CHRM3: variants seen among roughly 807,000 people sequenced by gnomAD.
The protein encoded by CHRM3 is cholinergic receptor muscarinic 3, also known as muscarinic acetylcholine receptor M3.
CHRM3 carries 11 observed loss-of-function variants against 41.8 expected under a neutral mutation model. That is an observed-to-expected ratio of 0.26 (90% CI 0.17 to 0.44). The LOEUF (loss-of-function observed/expected upper bound fraction) is 0.44. CHRM3 is among the 20% of genes least tolerant of loss of function. The pLI is 1.00. For synonymous variants in CHRM3, 297 were observed against 301.4 expected (o/e 0.99, Z 0.15); for missense variants, 571 against 745.4 (o/e 0.77, Z 2.72).
intron 3 of CHRM3, among the ~76,000 whole-genome samples, chr1:239,567,524 A>G (rs1661467971): frequency 6.6e-6 from 1 of 152,212 alleles, no homozygotes; most frequent in African/African-American, 2.4e-5. Context: ...TTTTGACTGT[A>G]ACCTACTGGT....
chr1:239,450,132 G>C (rs904723553), intron 1 of CHRM3, among the ~76,000 whole-genome samples: 2 of 152,034 alleles, frequency 1.3e-5, no homozygotes, highest in African/African-American at 4.8e-5. Flanking sequence ...ACCCTTCTAT[G>C]CTCATTTCAA....
intron 2 of CHRM3, among the ~76,000 whole-genome samples, chr1:239,497,791 A>C (rs1288674189): frequency 2.0e-5 from 3 of 152,196 alleles, no homozygotes; most frequent in Non-Finnish European, 4.4e-5. Flanking sequence ...TATTTAAAAC[A>C]ATTAAGACAG....
chr1:239,762,846 A>G (rs1298089367), intron 5 of CHRM3, among the ~76,000 whole-genome samples: 1 of 152,226 alleles, frequency 6.6e-6, no homozygotes, highest in Non-Finnish European at 1.5e-5. Flanking sequence ...GGCTGGATTC[A>G]AATAAGACTG....
At chr1:239,900,509 G>A (rs1679452720) in intron 6 of CHRM3, among the ~76,000 whole-genome samples, 1 of 151,824 alleles carries the variant, frequency 6.6e-6, no homozygotes, top group African/African-American at 2.4e-5. Flanking sequence ...TGGCCCCAAG[G>A]CCTCGGAGAA....
At chr1:239,617,090 C>A (rs928076399) in intron 3 of CHRM3, among the ~76,000 whole-genome samples, 1 of 152,124 alleles carries the variant, frequency 6.6e-6, no homozygotes, top group South Asian at 2.1e-4. Context: ...AGCATAGCTC[C>A]CCTACATGGT....
rs558078477 is a variant in CHRM3, at chr1:239,430,417, G to A, written c.-521+43190G>A. On this transcript the variant is annotated intron_variant, in intron 1 of 6. Coordinates refer to ENST00000676153, the MANE Select transcript of CHRM3 (RefSeq NM_001375978.1). Reference sequence around the variant, plus strand: ...GTTTTAAAAACTCTTGCAAATCACCGATATGCATCTGTGTAAAATAGGTAC... The same window carrying A: ...GTTTTAAAAACTCTTGCAAATCACCAATATGCATCTGTGTAAAATAGGTAC... Among the ~76,000 whole-genome samples the A allele has an allele frequency of 3.3e-5, 5 of 152,036 alleles. No individual in the cohort carries two copies. The East Asian group carries it at 7.7e-4, about 24-fold the overall frequency.
At chr1:239,491,308 T>A (rs921208628) in intron 1 of CHRM3, among the ~76,000 whole-genome samples, 1 of 152,204 alleles carries the variant, frequency 6.6e-6, no homozygotes, top group Non-Finnish European at 1.5e-5. Context: ...CTAGCTGCAC[T>A]TTTATATCTA....
At chr1:239,881,282 CAA>C (rs71567253) in intron 6 of CHRM3, among the ~76,000 whole-genome samples, 9 of 33,984 alleles carry the variant, frequency 2.6e-4, no homozygotes, top group Non-Finnish European at 3.5e-4. Flanking sequence ...GACTCCGTCT[CAA>C]AAAAAAAAAA....
At chr1:239,572,699 C>A (rs1038322116) in intron 3 of CHRM3, among the ~76,000 whole-genome samples, 1 of 152,170 alleles carries the variant, frequency 6.6e-6, no homozygotes, top group African/African-American at 2.4e-5. Context: ...CATAATAATA[C>A]TCTCCTAGTC....
intron 1 of CHRM3, among the ~76,000 whole-genome samples, chr1:239,396,280 T>C (rs2102946449): frequency 6.6e-6 from 1 of 152,238 alleles, no homozygotes; most frequent in East Asian, 1.9e-4. Context: ...TTTGACTGCT[T>C]TCAAGTATCT....
intron 1 of CHRM3, among the ~76,000 whole-genome samples, chr1:239,407,694 T>C (rs774039061): frequency 6.6e-6 from 1 of 152,138 alleles, no homozygotes; most frequent in Non-Finnish European, 1.5e-5. Flanking sequence ...AATTAGCACA[T>C]TCGATCAGAT....
intron 5 of CHRM3, among the ~76,000 whole-genome samples, chr1:239,699,514 A>G (rs1169642640): frequency 1.3e-5 from 2 of 152,162 alleles, no homozygotes; most frequent in South Asian, 2.1e-4. Flanking sequence ...ATGGTCTAGC[A>G]TCTTGATCTT....
At chr1:239,573,900 T>C (rs1019104013) in intron 3 of CHRM3, among the ~76,000 whole-genome samples, 4 of 152,056 alleles carry the variant, frequency 2.6e-5, no homozygotes, top group South Asian at 2.1e-4. Flanking sequence ...AGGTCCCCCA[T>C]CATACCTTAG....
intron 6 of CHRM3, among the ~76,000 whole-genome samples, chr1:239,874,285 G>GTATGTATATATA (rs1676853167): frequency 3.6e-5 from 3 of 83,296 alleles, no homozygotes; most frequent in African/African-American, 1.2e-4. Flanking sequence ...TATATACACA[G>GTATGTATATATA]TATATATATA....
chr1:239,619,992 T>C (rs1008177581), intron 3 of CHRM3, among the ~76,000 whole-genome samples: 20 of 152,200 alleles, frequency 1.3e-4, no homozygotes, highest in African/African-American at 4.1e-4. Context: ...TTAAAGATAT[T>C]ATTTATAAAA....
At position 239,387,582 on chromosome 1, in the gene CHRM3, C is replaced by G. The variant is rs1281719277; in HGVS notation, c.-521+355C>G. Among the ~76,000 whole-genome samples the G allele has an allele frequency of 6.6e-6, 1 of 152,078 alleles. No homozygotes were observed. Among genetic ancestry groups the G allele is most frequent in the Non-Finnish European group, 1.5e-5 (1 of 68,024 alleles). ...CACCCCGCTCTCCCTCGCTTCGATT[C>G]TCTCTTCGCCACTGCCGGATCTGAG... On this transcript the variant is annotated intron_variant, in intron 1 of 6. Coordinates refer to ENST00000676153, the MANE Select transcript of CHRM3 (RefSeq NM_001375978.1). The surrounding 1 kb of genome is among the most constrained non-coding windows in gnomAD (Gnocchi z 5.1).
At chr1:239,493,197 T>C (rs1224988833) in intron 2 of CHRM3, among the ~76,000 whole-genome samples, 1 of 152,186 alleles carries the variant, frequency 6.6e-6, no homozygotes, top group African/African-American at 2.4e-5. Context: ...ATACTAGAAA[T>C]ATACAATTGG....
chr1:239,898,838 A>G, intron 6 of CHRM3, among the ~76,000 whole-genome samples: 1 of 152,160 alleles, frequency 6.6e-6, no homozygotes, highest in South Asian at 2.1e-4. Context: ...ATATTTACAC[A>G]TTTTTAAATT....
chr1:239,520,156 A>G (rs1272885483), intron 2 of CHRM3, among the ~76,000 whole-genome samples: 1 of 152,198 alleles, frequency 6.6e-6, no homozygotes, highest in Non-Finnish European at 1.5e-5. Context: ...CTCATAATAT[A>G]TTAGTATTCT....
Sources: allele counts gnomAD v4.1 joint callset (sites outside exome capture counted in the v4.1 genomes callset), GRCh38; gene constraint gnomAD v4.1.1; non-coding constraint Gnocchi (gnomAD v3.1); transcripts MANE v1.5; gene names NCBI Gene and HGNC (gene_info 2026-07-23, HGNC 2026-07-21).